SLC44A5: variants seen among roughly 807,000 people sequenced by gnomAD.
The protein encoded by SLC44A5 is solute carrier family 44 member 5, also known as choline transporter-like protein 5.
A neutral mutation model predicts 101.8 loss-of-function variants in SLC44A5; 57 were observed. That is an observed-to-expected ratio of 0.56 (90% CI 0.45 to 0.70). The LOEUF is 0.70. Ranked by LOEUF, SLC44A5 falls within the 30% of genes least tolerant of loss-of-function variation. The pLI, the probability that SLC44A5 is intolerant of heterozygous loss-of-function variation, is 0.00. For synonymous variants in SLC44A5, 281 were observed against 290.9 expected (o/e 0.97, Z 0.35); for missense variants, 737 against 853.1 (o/e 0.86, Z 1.70).
At chr1:75,641,935 C>T in the SLC44A5 span, 1 of 1,605,900 alleles carries the variant, frequency 6.2e-7, no homozygotes, top group Non-Finnish European at 8.5e-7. Flanking sequence ...ATTTCTTTGC[C>T]ATGGAACATA....
At chr1:75,600,177 T>C (rs984667332) in intron 1 of SLC44A5, among the ~76,000 whole-genome samples, 6 of 152,096 alleles carry the variant, frequency 3.9e-5, no homozygotes, top group Non-Finnish European at 7.4e-5. Flanking sequence ...ACTTTATCAG[T>C]TTGAGCAGAG....
chr1:75,532,327 T>C (rs537627528), intron 2 of SLC44A5, among the ~76,000 whole-genome samples: 1 of 152,348 alleles, frequency 6.6e-6, no homozygotes, highest in African/African-American at 2.4e-5. Flanking sequence ...GCACGTTACT[T>C]CAGTTGTCTA....
chr1:75,296,155 C>T (rs1453521676), intron 5 of SLC44A5, among the ~76,000 whole-genome samples: 2 of 151,980 alleles, frequency 1.3e-5, no homozygotes, highest in Admixed American at 1.3e-4. Flanking sequence ...TCCTTTAATC[C>T]TTTGTACTGA....
intron 2 of SLC44A5, among the ~76,000 whole-genome samples, chr1:75,413,806 A>G (rs1329104334): frequency 6.6e-6 from 1 of 152,176 alleles, no homozygotes; most frequent in Non-Finnish European, 1.5e-5. Flanking sequence ...AATTCTGAGA[A>G]TACTCTGTTC....
At chr1:75,423,940 A>T (rs1355938788) in intron 2 of SLC44A5, among the ~76,000 whole-genome samples, 2 of 152,232 alleles carry the variant, frequency 1.3e-5, no homozygotes, top group Admixed American at 1.3e-4. Flanking sequence ...GTGGTTAGAA[A>T]GGGTGTTGCT....
intron 2 of SLC44A5, among the ~76,000 whole-genome samples, chr1:75,537,765 C>A (rs1023776565): frequency 6.6e-6 from 1 of 152,144 alleles, no homozygotes; most frequent in African/African-American, 2.4e-5. Context: ...AGAATTGTTG[C>A]TTGTTTCTTA....
chr1:75,270,037 C>T (rs895044196), intron 6 of SLC44A5, among the ~76,000 whole-genome samples: 17 of 152,092 alleles, frequency 1.1e-4, no homozygotes, highest in African/African-American at 2.7e-4. Context: ...CCGTGTAAGA[C>T]GTGCCTTTTG....
chr1:75,581,244 C>T (rs1229624172), intron 1 of SLC44A5, among the ~76,000 whole-genome samples: 4 of 152,058 alleles, frequency 2.6e-5, no homozygotes, highest in Admixed American at 6.5e-5. Flanking sequence ...TGGAGGTGGA[C>T]CTAGAATTTA....
intron 2 of SLC44A5, among the ~76,000 whole-genome samples, chr1:75,434,411 T>A (rs1018277262): frequency 6.6e-6 from 1 of 152,134 alleles, no homozygotes; most frequent in African/African-American, 2.4e-5. Flanking sequence ...TCCCAACCCA[T>A]TTTTTCATAT....
At chr1:75,307,091 G>A (rs1570632289) in intron 4 of SLC44A5, among the ~76,000 whole-genome samples, 2 of 152,060 alleles carry the variant, frequency 1.3e-5, no homozygotes, top group East Asian at 1.9e-4. Context: ...CATCCTGAAA[G>A]GTCATTAATA....
chr1:75,685,615 A>G, the SLC44A5 span, among the ~76,000 whole-genome samples: 1 of 152,122 alleles, frequency 6.6e-6, no homozygotes. Flanking sequence ...GCCATTCAAC[A>G]AGTCTCTAGG....
intron 22 of SLC44A5, among the ~76,000 whole-genome samples, chr1:75,213,370 T>C (rs1380712481): frequency 1.3e-5 from 2 of 152,322 alleles, no homozygotes; most frequent in East Asian, 1.9e-4. Context: ...ATGAATTGTG[T>C]ACCCCCTAAA....
chr1:75,693,661 T>C, the SLC44A5 span, among the ~76,000 whole-genome samples: 2 of 152,070 alleles, frequency 1.3e-5, no homozygotes, highest in Non-Finnish European at 2.9e-5. Context: ...GAGAACTGCA[T>C]ACTGGAGCCC....
At position 75,439,301 on chromosome 1, in the gene SLC44A5, A is replaced by G. The variant is rs144757608; in HGVS notation, c.14-42680T>C. Among the ~76,000 whole-genome samples, 8 of 152,302 alleles carry G rather than the reference A, an allele frequency of 5.3e-5. No individual in the cohort carries two copies. In the East Asian group the frequency reaches 1.5e-3, roughly 29 times the overall value. ...TTCTCCACCTTTGGAGCCATGAGCC[A>G]ATAAATTTCTGTTTATATAAGTTGA... On this transcript the variant is annotated intron_variant, in intron 2 of 23. Coordinates refer to ENST00000370859, the MANE Select transcript of SLC44A5 (RefSeq NM_001130058.2).
Position 75,349,517 on chromosome 1 carries a change from A to G in SLC44A5, c.53-9887T>C, listed in dbSNP as rs867133819. On this transcript the variant is annotated intron_variant, in intron 3 of 23. Transcript: ENST00000370859. ...ATAGAATTCTATATCTGGTGAAAAT[A>G]TGTTCAAAAGAAAGGGTGAAATAAA... Among the ~76,000 whole-genome samples the G allele has an allele frequency of 5.9e-5, 9 of 152,304 alleles. 1 individual carries two copies. In the Middle Eastern group the frequency reaches 0.031, roughly 518 times the overall value.
intron 5 of SLC44A5, among the ~76,000 whole-genome samples, chr1:75,296,815 T>C (rs191842121): frequency 4.6e-5 from 7 of 152,310 alleles, no homozygotes; most frequent in African/African-American, 1.7e-4. Context: ...TTTGTTCTGC[T>C]TATCTATTGT....
chr1:75,491,472 A>G (rs1358694437), intron 2 of SLC44A5, among the ~76,000 whole-genome samples: 1 of 152,168 alleles, frequency 6.6e-6, no homozygotes, highest in Non-Finnish European at 1.5e-5. Flanking sequence ...GAAGATTAAA[A>G]TTAATTGAAT....
chr1:75,366,996 T>C (rs1039622639), intron 3 of SLC44A5, among the ~76,000 whole-genome samples: 2 of 152,220 alleles, frequency 1.3e-5, no homozygotes, highest in Non-Finnish European at 2.9e-5. Context: ...AGATGATTAT[T>C]TTGAATTCTT....
chr1:75,383,174 G>T (rs1257821573), intron 3 of SLC44A5, among the ~76,000 whole-genome samples: 1 of 84,010 alleles, frequency 1.2e-5, no homozygotes, highest in African/African-American at 4.8e-5. Context: ...CCTTTACATT[G>T]TCTATGATGC....
Sources: allele counts gnomAD v4.1 joint callset (sites outside exome capture counted in the v4.1 genomes callset), GRCh38; gene constraint gnomAD v4.1.1; transcripts MANE v1.5; gene names NCBI Gene and HGNC (gene_info 2026-07-23, HGNC 2026-07-21).